LOC128092253: variants seen among roughly 807,000 people sequenced by gnomAD.
At chr6:133,964,177 A>G in the LOC128092253 span, among the ~76,000 whole-genome samples, 1 of 152,116 alleles carries the variant, frequency 6.6e-6, no homozygotes, top group South Asian at 2.1e-4. Flanking sequence ...TGACTTTCTC[A>G]CAGACCATAA....
At chr6:133,979,985 A>G in the LOC128092253 span, 1 of 962,252 alleles carries the variant, frequency 1.0e-6, no homozygotes, top group Non-Finnish European at 1.4e-6. Flanking sequence ...TGAAAAATAA[A>G]TAATATAGAT....
At chr6:133,968,587 T>A in the LOC128092253 span, among the ~76,000 whole-genome samples, 1 of 152,220 alleles carries the variant, frequency 6.6e-6, no homozygotes, top group Non-Finnish European at 1.5e-5. Context: ...GTTTTACAAA[T>A]GAGAACAGGA....
At chr6:133,961,912 A>G in the LOC128092253 span, among the ~76,000 whole-genome samples, 2 of 152,012 alleles carry the variant, frequency 1.3e-5, no homozygotes, top group Non-Finnish European at 2.9e-5. Context: ...TTTTTCTTCC[A>G]CTGAAATACA....
chr6:133,962,926 G>A, the LOC128092253 span, among the ~76,000 whole-genome samples: 1 of 152,178 alleles, frequency 6.6e-6, no homozygotes, highest in Non-Finnish European at 1.5e-5. Flanking sequence ...ATATGAGATG[G>A]GGAGAGAATT....
At chr6:133,964,766 C>T in the LOC128092253 span, among the ~76,000 whole-genome samples, 1 of 152,064 alleles carries the variant, frequency 6.6e-6, no homozygotes, top group East Asian at 1.9e-4. Flanking sequence ...TTTTATTTTC[C>T]CAAGTAACTA....
the LOC128092253 span, among the ~76,000 whole-genome samples, chr6:133,961,465 CTTT>C: frequency 1.8e-4 from 18 of 100,202 alleles, no homozygotes; most frequent in Non-Finnish European, 2.8e-4. Context: ...TTCTTTCTTT[CTTT>C]TTTTTTTTTT....
the LOC128092253 span, chr6:133,979,988 A>G: frequency 2.1e-6 from 2 of 958,230 alleles, no homozygotes; most frequent in Non-Finnish European, 2.9e-6. Flanking sequence ...AAAATAAATA[A>G]TATAGATTCA....
At chr6:133,973,498 G>A in the LOC128092253 span, among the ~76,000 whole-genome samples, 1 of 152,136 alleles carries the variant, frequency 6.6e-6, no homozygotes, top group Non-Finnish European at 1.5e-5. Flanking sequence ...TGGCCTTTCA[G>A]TTTAAATATC....
At chr6:133,962,494 G>A in the LOC128092253 span, among the ~76,000 whole-genome samples, 3 of 152,230 alleles carry the variant, frequency 2.0e-5, no homozygotes, top group Non-Finnish European at 2.9e-5. Context: ...TGAAGTGAGC[G>A]AGTGTTAATT....
the LOC128092253 span, among the ~76,000 whole-genome samples, chr6:133,958,700 A>G: frequency 6.6e-6 from 1 of 152,188 alleles, no homozygotes; most frequent in Admixed American, 6.5e-5. Flanking sequence ...GTTCTTTCCT[A>G]TTCTGGCTAA....
chr6:133,969,622 A>G, the LOC128092253 span, among the ~76,000 whole-genome samples: 1 of 152,174 alleles, frequency 6.6e-6, no homozygotes, highest in African/African-American at 2.4e-5. Context: ...TTTTATGGCC[A>G]GGCAAACTTG....
chr6:133,959,968 T>C, the LOC128092253 span, among the ~76,000 whole-genome samples: 2 of 152,212 alleles, frequency 1.3e-5, no homozygotes, highest in African/African-American at 4.8e-5. Context: ...CTTGAAGCTT[T>C]TGTGGAACAA....
chr6:133,955,049 GAAA>G, the LOC128092253 span, among the ~76,000 whole-genome samples: 7 of 152,164 alleles, frequency 4.6e-5, no homozygotes, highest in African/African-American at 1.7e-4. Context: ...ACATTAAGAA[GAAA>G]AAGATAGATT....
the LOC128092253 span, among the ~76,000 whole-genome samples, chr6:133,975,912 T>C: frequency 1.3e-5 from 2 of 152,206 alleles, no homozygotes; most frequent in Non-Finnish European, 2.9e-5. Context: ...CCTTTTTGTA[T>C]ATCTTAAATA....
the LOC128092253 span, among the ~76,000 whole-genome samples, chr6:133,973,864 G>C: frequency 6.6e-6 from 1 of 152,040 alleles, no homozygotes; most frequent in African/African-American, 2.4e-5. Flanking sequence ...ATCAAGCTAT[G>C]TCTTAATATT....
chr6:133,964,670 G>A, the LOC128092253 span, among the ~76,000 whole-genome samples: 6 of 151,908 alleles, frequency 3.9e-5, no homozygotes, highest in South Asian at 2.1e-4. Flanking sequence ...GGATGGTCTC[G>A]ATCTCCTGAC....
the LOC128092253 span, among the ~76,000 whole-genome samples, chr6:133,969,470 A>C: frequency 6.6e-6 from 1 of 152,206 alleles, no homozygotes; most frequent in East Asian, 1.9e-4. Flanking sequence ...AGTCATATGT[A>C]ATGAAGATAG....
At chr6:133,975,704 A>T in the LOC128092253 span, among the ~76,000 whole-genome samples, 1 of 152,220 alleles carries the variant, frequency 6.6e-6, no homozygotes, top group Non-Finnish European at 1.5e-5. Flanking sequence ...GGATTTAGGA[A>T]TATAACACTG....
the LOC128092253 span, among the ~76,000 whole-genome samples, chr6:133,971,008 C>T: frequency 1.3e-5 from 2 of 152,252 alleles, no homozygotes; most frequent in Admixed American, 6.5e-5. Context: ...CCATGGTCAC[C>T]CTACTGTGCA....
Sources: gnomAD v4.1 joint callset for allele counts (sites outside exome capture counted in the v4.1 genomes callset) on GRCh38, gnomAD v4.1.1 for gene constraint, MANE v1.5 for transcripts.